Variants in ERC2 observed in about 807,000 individuals in gnomAD.
The protein encoded by ERC2 is ERC protein 2.
A neutral mutation model predicts 114.8 loss-of-function variants in ERC2; 42 were observed. That is an observed-to-expected ratio of 0.37 (90% confidence interval 0.29 to 0.47). The LOEUF (loss-of-function observed/expected upper bound fraction) is 0.47. Among genes scored for constraint, ERC2 ranks in the 20% least tolerant of loss-of-function variants. ERC2 has a pLI of 0.99. For synonymous variants in ERC2, 454 were observed against 425.5 expected, an observed-to-expected ratio of 1.07 and a Z score of -0.82; for missense variants, 939 against 1,150.7, an observed-to-expected ratio of 0.82 and a Z score of 2.66.
intron 17 of ERC2, chr3:55,606,896 G>T (rs2058664293): frequency 1.3e-5 from 2 of 152,414 alleles, no homozygotes; most frequent in Non-Finnish European, 2.9e-5. Context: ...TCTAGGCAAA[G>T]GTTGGACAGG....
chr3:55,512,045 G>A (rs1163366331), intron 17 of ERC2, among the ~76,000 whole-genome samples: 4 of 152,192 alleles, frequency 2.6e-5, no homozygotes, highest in South Asian at 2.1e-4. Flanking sequence ...AGCTATCTGG[G>A]AAATATGGCA....
chr3:55,881,472 A>T (rs186016338), intron 14 of ERC2, among the ~76,000 whole-genome samples: 1 of 152,360 alleles, frequency 6.6e-6, no homozygotes, highest in East Asian at 1.9e-4. Flanking sequence ...TAAAATAAAC[A>T]TTTCAAAATA....
intron 3 of ERC2, among the ~76,000 whole-genome samples, chr3:56,233,959 C>T (rs569327075): frequency 6.6e-6 from 1 of 152,182 alleles, no homozygotes; most frequent in South Asian, 2.1e-4. Context: ...ATAGTCTCCT[C>T]ATCTTACAAT....
chr3:56,380,063 T>C (rs774765240), intron 2 of ERC2, among the ~76,000 whole-genome samples: 1 of 152,098 alleles, frequency 6.6e-6, no homozygotes, highest in East Asian at 1.9e-4. Flanking sequence ...GGAACAGCAC[T>C]CTACTCTCAA....
rs1414687604 is a variant in ERC2 at position 56,445,399 on chromosome 3, CT to C, written c.-140-10253del. Among the ~76,000 whole-genome samples the C allele has an allele frequency of 4.6e-5, 7 of 152,180 alleles. No individual in the cohort carries two copies. In the East Asian group the frequency reaches 1.3e-3, roughly 29 times the overall value. On this transcript the variant is annotated intron_variant, in intron 1 of 17. Transcript: ENST00000288221. ...TATTAATTCTACCTCCAAAATTGCT[CT>C]TGAATCTTCTCCGTTGTTTCCACTC... is the stretch of plus-strand genomic sequence containing the variant.
At chr3:56,116,531 T>C (rs1274566230) in intron 6 of ERC2, among the ~76,000 whole-genome samples, 1 of 152,172 alleles carries the variant, frequency 6.6e-6, no homozygotes, top group African/African-American at 2.4e-5. Flanking sequence ...CAGTCACATG[T>C]TCCAGAAATA....
chr3:56,293,324 A>G (rs1350522889), intron 3 of ERC2, among the ~76,000 whole-genome samples: 2 of 152,238 alleles, frequency 1.3e-5, no homozygotes, highest in African/African-American at 4.8e-5. Context: ...ATTAGAGGTA[A>G]ACATTTCACA....
At chr3:55,986,125 C>A in intron 11 of ERC2, 137 bp from the exon 12 acceptor site, 1 of 807,376 alleles carries the variant, frequency 1.2e-6, no homozygotes, top group Non-Finnish European at 2.0e-6. Flanking sequence ...AGGTTTATAA[C>A]TAAACGAAGC....
chr3:56,438,636 T>C (rs2062141846), intron 1 of ERC2, among the ~76,000 whole-genome samples: 1 of 152,220 alleles, frequency 6.6e-6, no homozygotes, highest in African/African-American at 2.4e-5. Context: ...ACAATCTAGA[T>C]GTCTGGGTTC....
intron 15 of ERC2, among the ~76,000 whole-genome samples, chr3:55,702,746 A>G (rs1180666263): frequency 6.6e-6 from 1 of 152,176 alleles, no homozygotes; most frequent in East Asian, 1.9e-4. Flanking sequence ...AGGTGATCCC[A>G]TACATAATGG....
At chr3:55,797,433 T>C (rs2070607429) in intron 14 of ERC2, among the ~76,000 whole-genome samples, 1 of 152,186 alleles carries the variant, frequency 6.6e-6, no homozygotes, top group Non-Finnish European at 1.5e-5. Flanking sequence ...TAGGTGATCC[T>C]AGATTGATAG....
intron 14 of ERC2, among the ~76,000 whole-genome samples, chr3:55,820,751 T>C (rs1330302792): frequency 6.6e-6 from 1 of 152,182 alleles, no homozygotes; most frequent in Non-Finnish European, 1.5e-5. Context: ...AACAAGAAGA[T>C]GGAATCAGGG....
At chr3:56,030,445 GTTTAT>G (rs2074309539) in intron 7 of ERC2, among the ~76,000 whole-genome samples, 1 of 151,928 alleles carries the variant, frequency 6.6e-6, no homozygotes, top group Non-Finnish European at 1.5e-5. Context: ...TTGTGAATTC[GTTTAT>G]TTTACCTTTC....
intron 14 of ERC2, among the ~76,000 whole-genome samples, chr3:55,760,345 G>A (rs1027863325): frequency 1.3e-5 from 2 of 152,078 alleles, no homozygotes; most frequent in Admixed American, 6.6e-5. Flanking sequence ...TTGATTAGGA[G>A]CACCTTGAAG....
chr3:56,466,496 C>T (rs1403856493), intron 1 of ERC2, among the ~76,000 whole-genome samples: 1 of 152,250 alleles, frequency 6.6e-6, no homozygotes, highest in Middle Eastern at 3.4e-3. Flanking sequence ...CCCCTCCCTG[C>T]CAAAACTGTA....
At chr3:56,278,624 T>A (rs971498923) in intron 3 of ERC2, among the ~76,000 whole-genome samples, 1 of 152,176 alleles carries the variant, frequency 6.6e-6, no homozygotes, top group African/African-American at 2.4e-5. Flanking sequence ...GGCTGGATAA[T>A]TTATAAAGAA....
chr3:56,114,091 G>A (rs924238178), intron 6 of ERC2, among the ~76,000 whole-genome samples: 2 of 152,138 alleles, frequency 1.3e-5, no homozygotes, highest in African/African-American at 4.8e-5. Context: ...AAATGGGTTG[G>A]CTAAGTATAC....
At chr3:56,292,529 G>A (rs1424939209) in intron 3 of ERC2, among the ~76,000 whole-genome samples, 1 of 151,990 alleles carries the variant, frequency 6.6e-6, no homozygotes, top group African/African-American at 2.4e-5. Context: ...GGTAGAGGTT[G>A]CAGTAAGCCG....
chr3:56,123,005 C>T (rs988895413), intron 6 of ERC2, among the ~76,000 whole-genome samples: 3 of 152,142 alleles, frequency 2.0e-5, no homozygotes, highest in African/African-American at 7.2e-5. Flanking sequence ...ATGAACTTAT[C>T]TACCATTCAA....
Sources: gnomAD v4.1 joint callset for allele counts (sites outside exome capture counted in the v4.1 genomes callset) on GRCh38, gnomAD v4.1.1 for gene constraint, MANE v1.5 for transcripts, NCBI Gene and HGNC (gene_info 2026-07-23, HGNC 2026-07-21) for gene names.